The following SLC2A13 variants were observed in gnomAD, a reference collection of about 807,000 sequenced individuals.
SLC2A13 encodes the protein proton myo-inositol cotransporter.
Under a neutral mutation model 64.4 loss-of-function variants are expected in SLC2A13, and 32 were observed. The observed-to-expected ratio is 0.50, with a 90% CI of 0.37 to 0.67. The LOEUF (loss-of-function observed/expected upper bound fraction) is 0.67. Ranked by LOEUF, SLC2A13 falls within the 30% of genes least tolerant of loss-of-function variation. The probability of loss-of-function intolerance (pLI) is 0.00; values close to 1 mark genes in which losing one functional copy is unlikely to be tolerated. For missense variants in SLC2A13, 743 were observed against 829.2 expected (o/e 0.90, Z 1.28); for synonymous variants, 338 against 327.1 (o/e 1.03, Z -0.36).
chr12:39,792,917 T>C (rs576711684), intron 7 of SLC2A13, among the ~76,000 whole-genome samples: 46 of 152,316 alleles, frequency 3.0e-4, no homozygotes, highest in Non-Finnish European at 5.0e-4. Flanking sequence ...ACTTTCTCTA[T>C]GGTATCTTTT....
rs1407762648 is a variant in SLC2A13 at position 39,764,601 on chromosome 12, T to C, written c.1579A>G (p.Met527Val). The C allele has an allele frequency of 1.9e-6, 3 of 1,596,568 alleles. No homozygotes were observed. In the African/African-American group the frequency reaches 4.1e-5, roughly 22 times the overall value. ...ATTTCAGAATTCACAGTCCAAGGCA[T>C]TGGTCCCATTCCTGAGAAATAAAAC... ...LVFFAPGMGP[M>V]PWTVNSEIYP... Residue 527 changes from methionine (M) to valine (V), a missense_variant, in exon 9 of 10, where the codon ATG (methionine) becomes GTG (valine). This residue lies in a region of SLC2A13 where 295 missense variants were observed against 381.7 expected (regional missense o/e 0.77). Coordinates refer to ENST00000280871, the MANE Select transcript of SLC2A13 (RefSeq NM_052885.4).
At chr12:39,978,728 C>T (rs897611278) in intron 3 of SLC2A13, among the ~76,000 whole-genome samples, 6 of 152,284 alleles carry the variant, frequency 3.9e-5, no homozygotes, top group South Asian at 2.1e-4. Context: ...AACTGCAAGG[C>T]GGCAGCAAGG....
At chr12:39,801,853 A>G (rs1941803326) in intron 7 of SLC2A13, among the ~76,000 whole-genome samples, 2 of 152,136 alleles carry the variant, frequency 1.3e-5, no homozygotes, top group South Asian at 4.1e-4. Flanking sequence ...CTACTTGGAG[A>G]CTAATTAGGA....
chr12:39,853,968 A>T (rs1943535950), intron 6 of SLC2A13, among the ~76,000 whole-genome samples: 1 of 152,150 alleles, frequency 6.6e-6, no homozygotes. Context: ...GTATTTTGTT[A>T]AAATAAAATC....
intron 7 of SLC2A13, among the ~76,000 whole-genome samples, chr12:39,823,550 T>C (rs996350582): frequency 9.2e-5 from 14 of 152,316 alleles, no homozygotes; most frequent in Non-Finnish European, 1.9e-4. Flanking sequence ...TTCCCTGGCA[T>C]ATCAGTGAAT....
At chr12:39,927,845 C>T (rs1592290246) in intron 4 of SLC2A13, among the ~76,000 whole-genome samples, 1 of 152,132 alleles carries the variant, frequency 6.6e-6, no homozygotes, top group African/African-American at 2.4e-5. Context: ...TATATCAACA[C>T]TTATTGAGCT....
intron 4 of SLC2A13, among the ~76,000 whole-genome samples, chr12:39,913,070 A>C (rs992381236): frequency 1.1e-4 from 17 of 152,084 alleles, no homozygotes; most frequent in African/African-American, 3.4e-4. Flanking sequence ...AAGCCAAGAG[A>C]TAAGGTAACC....
intron 7 of SLC2A13, among the ~76,000 whole-genome samples, chr12:39,778,365 C>T (rs1940852738): frequency 6.6e-6 from 1 of 152,110 alleles, no homozygotes; most frequent in Non-Finnish European, 1.5e-5. Context: ...CAACTTATTG[C>T]CAGCTCTTGG....
chr12:40,033,202 C>T (rs1271744920), intron 2 of SLC2A13, among the ~76,000 whole-genome samples: 1 of 152,180 alleles, frequency 6.6e-6, no homozygotes, highest in Non-Finnish European at 1.5e-5. Flanking sequence ...GGAAGTCTGG[C>T]TCCTACAATA....
At chr12:39,900,601 G>C (rs1260779937) in intron 4 of SLC2A13, among the ~76,000 whole-genome samples, 1 of 152,062 alleles carries the variant, frequency 6.6e-6, no homozygotes, top group East Asian at 1.9e-4. Flanking sequence ...GCTTCAAAGA[G>C]AATAAAATAC....
chr12:39,947,689 G>C (rs1254664943), intron 4 of SLC2A13, among the ~76,000 whole-genome samples: 1 of 137,776 alleles, frequency 7.3e-6, no homozygotes, highest in African/African-American at 2.8e-5. Context: ...GAGACGGAGT[G>C]TCGCTCAGTC....
intron 3 of SLC2A13, among the ~76,000 whole-genome samples, chr12:40,006,984 G>A (rs1276462012): frequency 6.6e-6 from 1 of 152,158 alleles, no homozygotes; most frequent in Non-Finnish European, 1.5e-5. Context: ...TTCCAGCAAT[G>A]GGTCACTAAT....
intron 4 of SLC2A13, among the ~76,000 whole-genome samples, chr12:39,925,696 A>T (rs911750122): frequency 6.6e-6 from 1 of 152,198 alleles, no homozygotes; most frequent in African/African-American, 2.4e-5. Context: ...TAAAAGAGCC[A>T]CTACTAGTAA....
chr12:39,985,487 C>T (rs1947015022), intron 3 of SLC2A13, among the ~76,000 whole-genome samples: 1 of 151,990 alleles, frequency 6.6e-6, no homozygotes, highest in Non-Finnish European at 1.5e-5. Flanking sequence ...ATAGCTTCTG[C>T]TTGAAGTATC....
At chr12:39,952,930 A>G (rs959287844) in intron 3 of SLC2A13, among the ~76,000 whole-genome samples, 1 of 152,164 alleles carries the variant, frequency 6.6e-6, no homozygotes, top group South Asian at 2.1e-4. Context: ...GCAAGGCACT[A>G]CCTTTCCTTT....
At chr12:39,839,026 A>T (rs776394301) in intron 6 of SLC2A13, among the ~76,000 whole-genome samples, 4 of 152,018 alleles carry the variant, frequency 2.6e-5, no homozygotes, top group Admixed American at 6.6e-5. Context: ...AATTGTGCTC[A>T]CTCACTCCTT....
chr12:40,004,176 C>A (rs1407954050), intron 3 of SLC2A13, among the ~76,000 whole-genome samples: 1 of 151,952 alleles, frequency 6.6e-6, no homozygotes, highest in East Asian at 1.9e-4. Context: ...TATGCAAATA[C>A]TATACAATTT....
chr12:40,016,949 GT>G (rs1292055289), intron 3 of SLC2A13, among the ~76,000 whole-genome samples: 40 of 152,296 alleles, frequency 2.6e-4, no homozygotes, highest in Middle Eastern at 3.4e-3. Context: ...TCCACAACGA[GT>G]TTCTAAACAT....
intron 1 of SLC2A13, among the ~76,000 whole-genome samples, chr12:40,050,004 T>C (rs1352099171): frequency 2.6e-5 from 4 of 152,132 alleles, no homozygotes; most frequent in African/African-American, 9.7e-5. Context: ...GTCTTCACAA[T>C]TAAATCATCA....
Sources: gnomAD v4.1 joint callset for allele counts (sites outside exome capture counted in the v4.1 genomes callset) on GRCh38, gnomAD v4.1.1 for gene constraint, gnomAD v4.1.1 regional missense constraint, MANE v1.5 for transcripts, NCBI Gene and HGNC (gene_info 2026-07-23, HGNC 2026-07-21) for gene names.